Variants in SCUBE1 observed in about 807,000 individuals in gnomAD.
The protein encoded by SCUBE1 is signal peptide, CUB and EGF-like domain-containing protein 1.
A neutral mutation model predicts 124.4 loss-of-function variants in SCUBE1; 59 were observed. That is an observed-to-expected ratio of 0.47 (90% confidence interval 0.38 to 0.59). SCUBE1 has a LOEUF of 0.59. Ranked by LOEUF, SCUBE1 falls within the 20% of genes least tolerant of loss-of-function variation. The pLI is 0.00. For missense variants in SCUBE1, 1,150 were observed against 1,371.2 expected, an observed-to-expected ratio of 0.84 and a Z score of 2.55; for synonymous variants, 545 against 550.9, an observed-to-expected ratio of 0.99 and a Z score of 0.15.
chr22:43,209,870 C>G (rs1460184656), intron 19 of SCUBE1, among the ~76,000 whole-genome samples, 173 bp downstream of exon 19: 6 of 152,226 alleles, frequency 3.9e-5, no homozygotes, highest in Non-Finnish European at 8.8e-5. Flanking sequence ...GCTCTTAGAC[C>G]CAAGTGGGTT....
chr22:43,303,362 G>T (rs544624380), intron 3 of SCUBE1, among the ~76,000 whole-genome samples: 54 of 152,236 alleles, frequency 3.5e-4, no homozygotes, highest in Non-Finnish European at 6.5e-4. Flanking sequence ...CCCCATCCAT[G>T]CCCTGCATTG....
chr22:43,211,298 T>C lies in SCUBE1; in HGVS notation c.2222-215A>G, dbSNP rs34000367. Among the ~76,000 whole-genome samples the C allele has an allele frequency of 0.076, 11,536 of 152,166 alleles. 802 individuals are homozygous for C. The highest frequency in any genetic ancestry group is 0.18 in the African/African-American group (7,303 of 41,472). On this transcript the variant is annotated intron_variant, in intron 17 of 21. Transcript: ENST00000360835. The surrounding 1 kb of genome is among the most constrained non-coding windows in gnomAD (Gnocchi z 4.5). Reference sequence around the variant, plus strand: ...GGGGTCACATGGCAGATTGATGTGATGTTGGCTCCAGCAAAACAGGGACCA... The same window carrying C: ...GGGGTCACATGGCAGATTGATGTGACGTTGGCTCCAGCAAAACAGGGACCA...
intron 3 of SCUBE1, among the ~76,000 whole-genome samples, chr22:43,314,721 T>C (rs1000702370): frequency 2.6e-5 from 4 of 151,970 alleles, no homozygotes; most frequent in African/African-American, 9.7e-5. Flanking sequence ...AGGCTCGTCA[T>C]GGTGTGGGGT....
At chr22:43,299,124 T>A (rs1217472148) in intron 3 of SCUBE1, among the ~76,000 whole-genome samples, 1 of 152,006 alleles carries the variant, frequency 6.6e-6, no homozygotes, top group Non-Finnish European at 1.5e-5. Context: ...AGCAGGTCAT[T>A]TCACCATTTT....
At chr22:43,309,336 C>T (rs1198080227) in intron 3 of SCUBE1, among the ~76,000 whole-genome samples, 1 of 152,112 alleles carries the variant, frequency 6.6e-6, no homozygotes, top group African/African-American at 2.4e-5. Flanking sequence ...TGCAGGAGTA[C>T]ACAGAGGCCC....
At chr22:43,264,366 A>G (rs1923983164) in intron 4 of SCUBE1, among the ~76,000 whole-genome samples, 1 of 152,192 alleles carries the variant, frequency 6.6e-6, no homozygotes. Flanking sequence ...ATGCCAGGCA[A>G]TAAGAGACGA....
At chr22:43,267,535 C>A (rs776774462) in intron 4 of SCUBE1, among the ~76,000 whole-genome samples, 2 of 152,206 alleles carry the variant, frequency 1.3e-5, no homozygotes, top group Admixed American at 6.5e-5. Flanking sequence ...AGAAGTCCTG[C>A]GGTCCCTGTG....
At chr22:43,329,477 T>C (rs1337060718) in intron 2 of SCUBE1, among the ~76,000 whole-genome samples, 1 of 152,234 alleles carries the variant, frequency 6.6e-6, no homozygotes, top group African/African-American at 2.4e-5. Context: ...CCAGGCCACA[T>C]AGGGCTGGGA....
At chr22:43,207,403 C>A (rs1921334299) in intron 21 of SCUBE1, 131 bp downstream of exon 21, 2 of 714,230 alleles carry the variant, frequency 2.8e-6, no homozygotes, top group Non-Finnish European at 5.0e-6. Context: ...CCCCAAGCCT[C>A]CTGCTCCTCT....
chr22:43,277,805 C>T (rs6003136), intron 4 of SCUBE1, among the ~76,000 whole-genome samples: 7 of 152,312 alleles, frequency 4.6e-5, no homozygotes, highest in South Asian at 2.1e-4. Flanking sequence ...CTTGTATATA[C>T]GATCTCATTT....
chr22:43,338,529 C>G (rs1927159920), intron 2 of SCUBE1, among the ~76,000 whole-genome samples: 1 of 151,856 alleles, frequency 6.6e-6, no homozygotes, highest in Admixed American at 6.6e-5. Flanking sequence ...CTTTTTCTTT[C>G]TTTTCTTTTT....
At chr22:43,217,112 A>AACCCT (rs1569497603) in intron 15 of SCUBE1, among the ~76,000 whole-genome samples, 1 of 7,078 alleles carries the variant, frequency 1.4e-4, no homozygotes, top group African/African-American at 1.5e-3. Flanking sequence ...CCCAACCCCC[A>AACCCT]CCCCCCATCC....
chr22:43,266,535 C>T (rs533041634), intron 4 of SCUBE1, among the ~76,000 whole-genome samples: 3 of 152,294 alleles, frequency 2.0e-5, no homozygotes, highest in Admixed American at 1.3e-4. Flanking sequence ...CTCCCTGCAG[C>T]GCATCTTGTC....
intron 3 of SCUBE1, among the ~76,000 whole-genome samples, chr22:43,298,660 G>A (rs1012222540): frequency 5.9e-5 from 9 of 152,188 alleles, no homozygotes; most frequent in South Asian, 2.1e-4. Flanking sequence ...AGTGCAGACC[G>A]CTGGCCAGTC....
In SCUBE1 at chr22:43,211,083, A is replaced by G. The variant is rs1921530431; in HGVS notation, c.2222T>C (p.Val741Ala). Residue 741 changes from valine (V) to alanine (A), a missense_variant and splice_region_variant, in exon 18 of 22, where the codon GTG (valine) becomes GCG (alanine). Physicochemically the swap from Val to Ala is moderately conservative, Grantham distance 64 (BLOSUM62 0). Transcript: ENST00000360835. This position sits in a 1 kb window ranked among gnomAD's most constrained non-coding sequence, Gnocchi z 4.5. ...GTAGTGGTGGCCGGGGGAGCAGTGC[A>G]CTGCCGGGGGACACAAGGCAGTGTG... Reference protein sequence around the residue: ...TTSFQDCEAKVHCSPGHHYNT... With the variant: ...TTSFQDCEAKAHCSPGHHYNT... 2 of 1,608,162 alleles carry G rather than the reference A, an allele frequency of 1.2e-6. No homozygotes were observed. Among genetic ancestry groups the G allele is most frequent in the African/African-American group, 1.3e-5 (1 of 74,970 alleles).
At chr22:43,305,285 G>A (rs1258003468) in intron 3 of SCUBE1, among the ~76,000 whole-genome samples, 3 of 152,204 alleles carry the variant, frequency 2.0e-5, no homozygotes, top group Non-Finnish European at 4.4e-5. Context: ...GAATGATTTT[G>A]TCTTTTCTCT....
At chr22:43,236,394 G>T (rs1220102322) in intron 7 of SCUBE1, among the ~76,000 whole-genome samples, 3 of 152,250 alleles carry the variant, frequency 2.0e-5, no homozygotes, top group Admixed American at 6.5e-5. Context: ...TATGTCTGCT[G>T]CCAGTCCTGC....
intron 16 of SCUBE1, 45 bp downstream of exon 16, chr22:43,214,045 C>CGGGGGGGGGGGGGGGGGGG: frequency 2.2e-6 from 1 of 457,528 alleles, no homozygotes; most frequent in Non-Finnish European, 3.8e-6. Context: ...GGAGGAGCCC[C>CGGGGGGGGGGGGGGGGGGG]CGCCCACCCC....
intron 4 of SCUBE1, among the ~76,000 whole-genome samples, chr22:43,281,606 A>C (rs1924911286): frequency 3.0e-5 from 4 of 132,788 alleles, no homozygotes; most frequent in East Asian, 2.3e-4. Flanking sequence ...CCCTCCTGTC[A>C]CCTCCTCCTC....
Sources: gnomAD v4.1 joint callset for allele counts (sites outside exome capture counted in the v4.1 genomes callset) on GRCh38, gnomAD v4.1.1 for gene constraint, Gnocchi (gnomAD v3.1) non-coding constraint, MANE v1.5 for transcripts, NCBI Gene and HGNC (gene_info 2026-07-23, HGNC 2026-07-21) for gene names.